Variants in TBC1D5 observed in about 807,000 individuals in gnomAD.
TBC1D5 encodes the protein TBC1 domain family member 5, also known as TBC1 domain family, member 5.
TBC1D5 carries 75 observed loss-of-function variants against 100.3 expected under a neutral mutation model. The ratio of observed to expected loss-of-function variants is 0.75; its 90% confidence interval spans 0.62 to 0.91. The LOEUF is 0.91. Among genes scored for constraint, TBC1D5 ranks in the 40% least tolerant of loss-of-function variants. The pLI is 0.00. For synonymous variants in TBC1D5, 323 were observed against 325.6 expected (o/e 0.99, Z 0.09); for missense variants, 910 against 942.4 (o/e 0.97, Z 0.45).
intron 1 of TBC1D5, among the ~76,000 whole-genome samples, chr3:17,641,878 T>C (rs2064541594): frequency 6.6e-6 from 1 of 152,140 alleles, no homozygotes; most frequent in South Asian, 2.1e-4. Context: ...CTAGTCCTGA[T>C]TATAAATGCA....
At chr3:17,331,321 T>G (rs532758081) in intron 13 of TBC1D5, among the ~76,000 whole-genome samples, 126 of 152,302 alleles carry the variant, frequency 8.3e-4, no homozygotes, top group African/African-American at 2.9e-3. Flanking sequence ...AATAATCAAG[T>G]CTTTAATCTT....
At chr3:17,470,268 A>T (rs1342677246) in intron 3 of TBC1D5, among the ~76,000 whole-genome samples, 2 of 152,240 alleles carry the variant, frequency 1.3e-5, no homozygotes, top group African/African-American at 4.8e-5. Context: ...TCAGGCAGGA[A>T]ATCTTCCTAA....
chr3:17,573,507 G>GA (rs201841929), intron 2 of TBC1D5, among the ~76,000 whole-genome samples: 43 of 149,916 alleles, frequency 2.9e-4, no homozygotes, highest in Non-Finnish European at 4.5e-4. Flanking sequence ...CAGGAAAAAA[G>GA]AAAAAAAAAG....
intron 2 of TBC1D5, among the ~76,000 whole-genome samples, chr3:17,608,469 A>G (rs1228862601): frequency 2.0e-5 from 3 of 152,192 alleles, no homozygotes; most frequent in African/African-American, 7.2e-5. Context: ...GATAATTCAG[A>G]AGCTTTGGTG....
intron 1 of TBC1D5, among the ~76,000 whole-genome samples, chr3:17,710,374 G>C (rs1423721992): frequency 1.3e-5 from 2 of 152,040 alleles, no homozygotes; most frequent in Non-Finnish European, 2.9e-5. Context: ...AGACCAGCCT[G>C]ACCAACATGG....
intron 1 of TBC1D5, chr3:17,705,964 T>G: frequency 7.2e-7 from 1 of 1,386,492 alleles, no homozygotes; most frequent in Non-Finnish European, 9.7e-7. Flanking sequence ...CGGGCGGCGC[T>G]CCTCAGCATT....
chr3:17,513,256 C>T lies in TBC1D5; in HGVS notation c.-35-4651G>A, dbSNP rs542936226. 6.1e-4 allele frequency among the ~76,000 whole-genome samples: 92 copies of T among 151,464 alleles called. 1 individual carries two copies. Among genetic ancestry groups the T allele is most frequent in the Admixed American group, 2.2e-3 (33 of 15,196 alleles). ...CTGAGGCAGAAGAATTGTTGGAACCCGGGAGGCAGAGGTTGCAGTGAGCCA... is the reference window on the plus strand; with the variant it reads ...CTGAGGCAGAAGAATTGTTGGAACCTGGGAGGCAGAGGTTGCAGTGAGCCA... On this transcript the variant is annotated intron_variant, in intron 2 of 21. Transcript: ENST00000253692.
intron 1 of TBC1D5, among the ~76,000 whole-genome samples, chr3:17,711,615 G>A (rs1461422749): frequency 1.3e-5 from 2 of 152,052 alleles, no homozygotes. Flanking sequence ...AGTATCATAC[G>A]TATTTTTCAG....
intron 1 of TBC1D5, among the ~76,000 whole-genome samples, chr3:17,727,054 TCTA>T (rs1007045104): frequency 1.3e-5 from 2 of 152,162 alleles, no homozygotes; most frequent in African/African-American, 4.8e-5. Context: ...AATTTAGTGG[TCTA>T]CTGATTGTCC....
At chr3:17,664,013 G>A (rs747968589) in intron 1 of TBC1D5, among the ~76,000 whole-genome samples, 1 of 152,046 alleles carries the variant, frequency 6.6e-6, no homozygotes, top group Non-Finnish European at 1.5e-5. Context: ...TCGAATAAAT[G>A]GAAAAATGCA....
intron 17 of TBC1D5, among the ~76,000 whole-genome samples, chr3:17,217,296 T>C (rs1396014611): frequency 1.3e-5 from 2 of 152,180 alleles, no homozygotes; most frequent in South Asian, 2.1e-4. Context: ...ATTTAGCTTA[T>C]ACACATTTTT....
intron 14 of TBC1D5, among the ~76,000 whole-genome samples, chr3:17,302,331 C>A (rs1485082335): frequency 6.6e-6 from 1 of 152,086 alleles, no homozygotes; most frequent in Non-Finnish European, 1.5e-5. Flanking sequence ...ATGTCTCTTG[C>A]CAAATTTCCT....
intron 2 of TBC1D5, among the ~76,000 whole-genome samples, chr3:17,548,151 T>C (rs1323487596): frequency 6.6e-6 from 1 of 151,822 alleles, no homozygotes; most frequent in Non-Finnish European, 1.5e-5. Context: ...CCATCTCTAT[T>C]AAAAACGCAA....
At chr3:17,226,177 G>A (rs146972302) in intron 17 of TBC1D5, among the ~76,000 whole-genome samples, 68 of 150,554 alleles carry the variant, frequency 4.5e-4, no homozygotes, top group African/African-American at 1.6e-3. Flanking sequence ...GATCACATTT[G>A]TATAGCACAC....
intron 1 of TBC1D5, among the ~76,000 whole-genome samples, chr3:17,676,767 A>G (rs1279600388): frequency 3.3e-5 from 5 of 152,148 alleles, no homozygotes; most frequent in Non-Finnish European, 5.9e-5. Context: ...CAAGGCTACA[A>G]TAACCAAAAC....
intron 1 of TBC1D5, among the ~76,000 whole-genome samples, chr3:17,701,918 G>A (rs1015387338): frequency 2.0e-4 from 30 of 151,794 alleles, no homozygotes; most frequent in African/African-American, 7.0e-4. Context: ...AGGACAAGAG[G>A]ACTTAGTAAA....
At chr3:17,157,995 A>AT (rs1019298193) in exon 22 of TBC1D5, 1 of 152,200 alleles carries the variant, frequency 6.6e-6, no homozygotes, top group African/African-American at 2.4e-5. Context: ...CAGTGATATT[A>AT]TTTCTTTCCG....
chr3:17,708,982 C>T (rs1313071968), intron 1 of TBC1D5, among the ~76,000 whole-genome samples: 6 of 152,172 alleles, frequency 3.9e-5, no homozygotes, highest in South Asian at 4.1e-4. Flanking sequence ...TAAGCTTAAA[C>T]GAGGTAAATT....
At chr3:17,197,908 G>C (rs150264682) in intron 18 of TBC1D5, among the ~76,000 whole-genome samples, 1 of 152,054 alleles carries the variant, frequency 6.6e-6, no homozygotes, top group Non-Finnish European at 1.5e-5. Flanking sequence ...ATGGTGGCTC[G>C]CGCCTGTAGT....
Sources: allele counts gnomAD v4.1 joint callset (sites outside exome capture counted in the v4.1 genomes callset), GRCh38; gene constraint gnomAD v4.1.1; transcripts MANE v1.5; gene names NCBI Gene and HGNC (gene_info 2026-07-23, HGNC 2026-07-21).